The following PDE1A variants were observed in gnomAD, a reference collection of about 807,000 sequenced individuals.
PDE1A encodes the protein dual specificity calcium/calmodulin-dependent 3',5'-cyclic nucleotide phosphodiesterase 1A.
PDE1A carries 35 observed loss-of-function variants against 61.7 expected under a neutral mutation model. That is an observed-to-expected ratio of 0.57 (90% confidence interval 0.43 to 0.75). PDE1A has a LOEUF of 0.75. PDE1A is among the 30% of genes least tolerant of loss of function. The probability of loss-of-function intolerance (pLI) is 0.00; values close to 1 mark genes in which losing one functional copy is unlikely to be tolerated. For synonymous variants in PDE1A, 232 were observed against 213.2 expected (o/e 1.09, Z -0.77); for missense variants, 597 against 630.6 (o/e 0.95, Z 0.57).
At chr2:182,634,689 G>GA in the PDE1A span, among the ~76,000 whole-genome samples, 1 of 151,914 alleles carries the variant, frequency 6.6e-6, no homozygotes, top group South Asian at 2.1e-4. Flanking sequence ...GGTACTCAGA[G>GA]AAAAAAACAA....
intron 10 of PDE1A, among the ~76,000 whole-genome samples, chr2:182,194,642 G>T (rs1685983916): frequency 6.6e-6 from 1 of 152,012 alleles, no homozygotes; most frequent in Non-Finnish European, 1.5e-5. Flanking sequence ...CTGATCTCTG[G>T]CTAGTTTCTC....
At chr2:182,527,324 AAAAATATATATATATATATAT>A (rs1394844827), upstream of PDE1A, among the ~76,000 whole-genome samples, 75 of 37,172 alleles carry the variant, frequency 2.0e-3, 6 homozygotes, top group East Asian at 9.4e-3. Flanking sequence ...AAAAAAAAAA[AAAAATATATATATATATATAT>A]ATATATATAT....
intron 2 of PDE1A, among the ~76,000 whole-genome samples, chr2:182,504,117 G>A (rs946523806): frequency 6.6e-6 from 1 of 152,118 alleles, no homozygotes; most frequent in Non-Finnish European, 1.5e-5. Flanking sequence ...TGTGACTCAC[G>A]CTGTATACAT....
At chr2:182,645,576 C>G in the PDE1A span, among the ~76,000 whole-genome samples, 11,525 of 152,036 alleles carry the variant, frequency 0.076, 500 homozygotes, top group African/African-American at 0.11. Context: ...TAATGGAGAG[C>G]TTGTCAGATA....
chr2:182,473,400 A>G (rs1420195945), intron 2 of PDE1A, among the ~76,000 whole-genome samples: 1 of 152,002 alleles, frequency 6.6e-6, no homozygotes, highest in African/African-American at 2.4e-5. Context: ...GCTAATATCC[A>G]GAATCTACAA....
chr2:182,519,739 A>G (rs1358963602), intron 2 of PDE1A, among the ~76,000 whole-genome samples: 4 of 151,912 alleles, frequency 2.6e-5, no homozygotes, highest in South Asian at 2.1e-4. Flanking sequence ...AACAATCCCT[A>G]TAAGATATTT....
rs535818063 is a variant in PDE1A, at chr2:182,343,412, T to C, written c.54-78998A>G. Among the ~76,000 whole-genome samples the C allele has an allele frequency of 3.3e-5, 5 of 152,322 alleles. No individual in the cohort carries two copies. In the South Asian group the frequency reaches 1.0e-3, roughly 32 times the overall value. ...ATACATAATTTAAATAGGAAATAAT[T>C]CTGAAGGTTTTCAGATGCCATAAGC... On this transcript the variant is annotated intron_variant, in intron 1 of 13. Transcript: ENST00000351439.
chr2:182,616,962 A>G, the PDE1A span, among the ~76,000 whole-genome samples: 1 of 152,202 alleles, frequency 6.6e-6, no homozygotes, highest in African/African-American at 2.4e-5. Flanking sequence ...ACTTCCTCCA[A>G]AGGAAATATG....
intron 1 of PDE1A, among the ~76,000 whole-genome samples, chr2:182,397,442 A>G (rs2125425696): frequency 6.6e-6 from 1 of 152,256 alleles, no homozygotes; most frequent in Middle Eastern, 3.4e-3. Flanking sequence ...TGTGGAAAAA[A>G]ATGTGTAAAT....
the PDE1A span, among the ~76,000 whole-genome samples, chr2:182,694,553 G>C: frequency 6.6e-6 from 1 of 152,298 alleles, no homozygotes; most frequent in Non-Finnish European, 1.5e-5. Context: ...AGGAATACAA[G>C]AGATCCATGA....
the PDE1A span, among the ~76,000 whole-genome samples, chr2:182,562,567 T>C: frequency 1.3e-5 from 2 of 152,098 alleles, no homozygotes; most frequent in African/African-American, 2.4e-5. Flanking sequence ...ATGCTGGCCT[T>C]ATAAAATGAG....
downstream of PDE1A, chr2:182,142,623 T>A (rs971579670): frequency 3.9e-5 from 6 of 152,364 alleles, no homozygotes; most frequent in East Asian, 7.7e-4. Context: ...TTGTTTTTGC[T>A]TCCTTTTATT....
At chr2:182,657,080 T>G in the PDE1A span, among the ~76,000 whole-genome samples, 2 of 151,990 alleles carry the variant, frequency 1.3e-5, no homozygotes, top group African/African-American at 4.8e-5. Context: ...AAAATTAGCT[T>G]GGCTTGGTGG....
intron 13 of PDE1A, chr2:182,168,313 TA>T (rs751539423): frequency 1.3e-6 from 2 of 1,556,430 alleles, no homozygotes; most frequent in Non-Finnish European, 8.7e-7. Flanking sequence ...AAAGCGTACT[TA>T]TTTTAATAAT....
chr2:182,188,640 T>C (rs1035201689), intron 11 of PDE1A, among the ~76,000 whole-genome samples: 1 of 152,224 alleles, frequency 6.6e-6, no homozygotes, highest in African/African-American at 2.4e-5. Flanking sequence ...ACATTTTCAT[T>C]GAGTTGACCT....
In PDE1A at chr2:182,361,493, T is replaced by G. The variant is rs568321122; in HGVS notation, c.53+65085A>C. Among the ~76,000 whole-genome samples the G allele has an allele frequency of 2.6e-5, 4 of 152,078 alleles. No homozygotes were observed. The East Asian group carries it at 7.7e-4, about 29-fold the overall frequency. On this transcript the variant is annotated intron_variant, in intron 1 of 13. Transcript: ENST00000351439. ...TTTGTCTAATAGGTTTTATTCAAATTTATGAAAGGATAGCACACAGCTAAA... is the reference window on the plus strand; with the variant it reads ...TTTGTCTAATAGGTTTTATTCAAATGTATGAAAGGATAGCACACAGCTAAA...
At chr2:182,430,159 G>A (rs1409636593), upstream of PDE1A, among the ~76,000 whole-genome samples, 1 of 151,480 alleles carries the variant, frequency 6.6e-6, no homozygotes, top group African/African-American at 2.4e-5. Flanking sequence ...TACCATCAGA[G>A]TGAACAGGCA....
chr2:182,343,788 G>A (rs1054733697), intron 1 of PDE1A, among the ~76,000 whole-genome samples: 3 of 151,752 alleles, frequency 2.0e-5, no homozygotes, highest in Admixed American at 6.6e-5. Flanking sequence ...AAAGACCATC[G>A]ACCATATTTT....
chr2:182,468,250 T>C (rs1686800155), intron 2 of PDE1A, among the ~76,000 whole-genome samples: 1 of 152,062 alleles, frequency 6.6e-6, no homozygotes, highest in African/African-American at 2.4e-5. Flanking sequence ...AGAACTTCTT[T>C]TGAAATTGAA....
Sources: gnomAD v4.1 joint callset for allele counts (sites outside exome capture counted in the v4.1 genomes callset) on GRCh38, gnomAD v4.1.1 for gene constraint, MANE v1.5 for transcripts, NCBI Gene and HGNC (gene_info 2026-07-23, HGNC 2026-07-21) for gene names.